The following FRMPD3 variants were observed in gnomAD, a reference collection of about 807,000 sequenced individuals.
The protein encoded by FRMPD3 is FERM and PDZ domain-containing protein 3.
A neutral mutation model predicts 97.9 loss-of-function variants in FRMPD3; 42 were observed. The observed-to-expected ratio is 0.43, with a 90% CI of 0.34 to 0.55. The LOEUF (loss-of-function observed/expected upper bound fraction) is 0.55, where lower values mean the gene tolerates loss of function less well. Among genes scored for constraint, FRMPD3 ranks in the 20% least tolerant of loss-of-function variants. The pLI, the probability that FRMPD3 is intolerant of heterozygous loss-of-function variation, is 0.03. For synonymous variants in FRMPD3, 577 were observed against 581.1 expected (o/e 0.99, Z 0.10); for missense variants, 1,303 against 1,457.7 (o/e 0.89, Z 1.73).
intron 1 of FRMPD3, among the ~76,000 whole-genome samples, chrX:107,492,025 G>A (rs993656315): frequency 2.8e-5 from 3 of 108,120 alleles, no homozygotes; most frequent in Non-Finnish European, 5.7e-5. Context: ...CAGCTAACCT[G>A]AGTCCCTTAC....
chrX:107,565,089 C>A (rs574076556), intron 12 of FRMPD3, 23 bp downstream of exon 12: 4 of 1,139,764 alleles, frequency 3.5e-6, no homozygotes, highest in Non-Finnish European at 4.7e-6. Flanking sequence ...TTGAGGGCCT[C>A]CTTCTGTTTA....
intron 1 of FRMPD3, among the ~76,000 whole-genome samples, chrX:107,473,627 C>G (rs1454376957): frequency 1.8e-5 from 2 of 112,232 alleles, no homozygotes; most frequent in African/African-American, 6.5e-5. Context: ...ATGGCAGAGC[C>G]AGGAGTAGAG....
intron 1 of FRMPD3, among the ~76,000 whole-genome samples, chrX:107,506,595 C>A (rs899338127): frequency 3.6e-5 from 4 of 112,607 alleles, no homozygotes; most frequent in African/African-American, 1.3e-4. Flanking sequence ...AAGCAAGTGG[C>A]AGCTGGATTG....
In FRMPD3 at chrX:107,602,103, C is replaced by T; in HGVS notation, c.4064C>T (p.Thr1355Ile). The T allele has an allele frequency of 3.3e-6, 4 of 1,209,101 alleles. No individual in the cohort carries two copies. The highest frequency in any genetic ancestry group is 4.5e-6 in the Non-Finnish European group (4 of 894,558). ...SPINVQRIRSTSLESRECRSD... is the reference protein window; with the variant it reads ...SPINVQRIRSISLESRECRSD... Reference sequence around the variant, plus strand: ...ATCAATGTCCAGCGCATTCGTTCTACCAGCCTGGAGTCCCGAGAGTGCCGA... The same window carrying T: ...ATCAATGTCCAGCGCATTCGTTCTATCAGCCTGGAGTCCCGAGAGTGCCGA... Residue 1355 changes from threonine (T) to isoleucine (I), a missense_variant, in exon 15 of 15, where the codon ACC becomes ATC. Physicochemically the swap from Thr to Ile is moderately conservative, Grantham distance 89. Transcript: ENST00000683843.
chrX:107,534,282 G>A (rs143045708), intron 4 of FRMPD3, among the ~76,000 whole-genome samples: 1,143 of 111,390 alleles, frequency 0.01, 17 homozygotes, highest in African/African-American at 0.035. Context: ...ACAAACCCAG[G>A]TGCACAACTT....
At chrX:107,589,571 G>T (rs1278966167) in intron 13 of FRMPD3, among the ~76,000 whole-genome samples, 2 of 110,812 alleles carry the variant, frequency 1.8e-5, no homozygotes, top group Non-Finnish European at 3.8e-5. Flanking sequence ...AGAGAACCTG[G>T]ATATGTTGGT....
chrX:107,521,175 C>T lies in FRMPD3; in HGVS notation c.-7-5407C>T, dbSNP rs540708432. 5.0e-4 allele frequency among the ~76,000 whole-genome samples: 56 copies of T among 112,441 alleles called. No individual in the cohort carries two copies. In the South Asian group the frequency reaches 0.02, roughly 40 times the overall value. On this transcript the variant is annotated intron_variant, in intron 1 of 14. Transcript: ENST00000683843. ...CTCTCCTGGGGTAAATCTGATTCAA[C>T]CAGCAAGTCCTTTGTTTGCATGAAT...
At chrX:107,518,174 A>G (rs752566876) in intron 1 of FRMPD3, among the ~76,000 whole-genome samples, 10 of 112,027 alleles carry the variant, frequency 8.9e-5, no homozygotes, top group African/African-American at 3.2e-4. Flanking sequence ...ATGGGCATCT[A>G]TGAAAAGGTG....
At chrX:107,497,539 T>G (rs766723480) in intron 1 of FRMPD3, among the ~76,000 whole-genome samples, 2 of 112,248 alleles carry the variant, frequency 1.8e-5, no homozygotes, top group South Asian at 7.5e-4. Flanking sequence ...CATAGACGAA[T>G]GCAGACTGGC....
intron 1 of FRMPD3, among the ~76,000 whole-genome samples, chrX:107,510,824 C>G (rs1922146248): frequency 8.9e-6 from 1 of 112,229 alleles, no homozygotes; most frequent in Non-Finnish European, 1.9e-5. Flanking sequence ...CCTTTGATCA[C>G]TGGCTTTTTG....
intron 8 of FRMPD3, among the ~76,000 whole-genome samples, chrX:107,558,220 G>A (rs1019106295): frequency 9.1e-6 from 1 of 110,186 alleles, no homozygotes; most frequent in Non-Finnish European, 1.9e-5. Flanking sequence ...TCAGTATATA[G>A]GTCTTTCATA....
rs774892182 is a variant in FRMPD3, at chrX:107,600,456, A to G, written c.2417A>G (p.Asp806Gly). ...TTCCTGGCCCAGCACCTCAACAAGG[A>G]CAGCCTCCTTGCCCGCAAGGACCTG... ...TYFLAQHLNK[D>G]SLLARKDLPF... is the part of the protein sequence containing the mutation. Residue 806 changes from aspartate to glycine, a missense_variant, in exon 15 of 15, where the codon GAC becomes GGC. Physicochemically the swap from Asp to Gly is moderately conservative, Grantham distance 94. This residue lies in a region of FRMPD3 where 764 missense variants were observed against 820.2 expected (regional missense o/e 0.93). Transcript: ENST00000683843. The G allele has an allele frequency of 5.8e-6, 7 of 1,208,566 alleles. No individual in the cohort carries two copies. The South Asian group carries it at 7.0e-5, about 12-fold the overall frequency.
intron 1 of FRMPD3, among the ~76,000 whole-genome samples, chrX:107,491,499 A>G (rs1202480273): frequency 8.9e-6 from 1 of 112,500 alleles, no homozygotes; most frequent in African/African-American, 3.2e-5. Context: ...AGTGAGTAGC[A>G]GAGCTGGGAT....
rs191708698 is a variant in FRMPD3 at position 107,552,869 on chromosome X, C to T, written c.585C>T (p.Ala195=). The change falls in exon 7 of 15, where the codon GCC becomes GCT. Residue 195 remains alanine, a synonymous_variant. Coordinates refer to ENST00000683843, the MANE Select transcript of FRMPD3 (RefSeq NM_001388459.1). ...IEHFALVLEY[A]GPEQNHKFLL... ...ACTTTGCTCTTGTCCTTGAGTATGC[C>T]GGGCCAGAACAGAATCACAAGTTTC... is the stretch of plus-strand genomic sequence containing the variant. 27 of 1,207,804 alleles carry T rather than the reference C, an allele frequency of 2.2e-5. No individual in the cohort carries two copies. The highest frequency in any genetic ancestry group is 1.7e-4 in the African/African-American group (10 of 57,226).
chrX:107,554,847 T>A, intron 8 of FRMPD3: 1 of 205,570 alleles, frequency 4.9e-6, no homozygotes, highest in Non-Finnish European at 9.1e-6. Flanking sequence ...AGCTCCAGTA[T>A]GAGATGATTC....
chrX:107,453,000 G>A (rs1931316381), intron 1 of FRMPD3, among the ~76,000 whole-genome samples: 1 of 110,739 alleles, frequency 9.0e-6, no homozygotes, highest in East Asian at 2.8e-4. Context: ...TTCAGCCCTT[G>A]GAGGGAGCAT....
At chrX:107,487,391 T>C (rs1439764697) in intron 1 of FRMPD3, among the ~76,000 whole-genome samples, 1 of 112,050 alleles carries the variant, frequency 8.9e-6, no homozygotes, top group Non-Finnish European at 1.9e-5. Context: ...TTGGAAGTCA[T>C]AATTGCTTGG....
chrX:107,563,870 A>G (rs764925720), intron 11 of FRMPD3, among the ~76,000 whole-genome samples: 1 of 111,898 alleles, frequency 8.9e-6, no homozygotes, highest in Non-Finnish European at 1.9e-5. Context: ...TGCAGGAACA[A>G]GGCTCTGGGG....
intron 1 of FRMPD3, among the ~76,000 whole-genome samples, chrX:107,475,942 G>T (rs1182759509): frequency 1.8e-5 from 2 of 112,239 alleles, no homozygotes; most frequent in African/African-American, 6.5e-5. Flanking sequence ...GGAGTGCAGT[G>T]GCACAATCTC....
Sources: gnomAD v4.1 joint callset for allele counts (sites outside exome capture counted in the v4.1 genomes callset) on GRCh38, gnomAD v4.1.1 for gene constraint, gnomAD v4.1.1 regional missense constraint, MANE v1.5 for transcripts, NCBI Gene and HGNC (gene_info 2026-07-23, HGNC 2026-07-21) for gene names.